Variants in TSHZ3 observed in about 807,000 individuals in gnomAD.
The protein encoded by TSHZ3 is teashirt zinc finger homeobox 3.
TSHZ3 carries 10 observed loss-of-function variants against 64.5 expected under a neutral mutation model. That is an observed-to-expected ratio of 0.16 (90% CI 0.10 to 0.26). The LOEUF is 0.26. Ranked by LOEUF, TSHZ3 falls within the 10% of genes least tolerant of loss-of-function variation. The pLI, the probability that TSHZ3 is intolerant of heterozygous loss-of-function variation, is 1.00. For synonymous variants in TSHZ3, 608 were observed against 593.1 expected, an observed-to-expected ratio of 1.03 and a Z score of -0.36; for missense variants, 1,242 against 1,421.7, an observed-to-expected ratio of 0.87 and a Z score of 2.03.
intron 1 of TSHZ3, among the ~76,000 whole-genome samples, chr19:31,252,942 TA>T (rs1453082623): frequency 6.6e-6 from 1 of 152,200 alleles, no homozygotes; most frequent in African/African-American, 2.4e-5. Flanking sequence ...ATTAGCCTCA[TA>T]AAATTATGGT....
chr19:31,268,763 T>C (rs1976092300), intron 1 of TSHZ3, among the ~76,000 whole-genome samples: 1 of 152,066 alleles, frequency 6.6e-6, no homozygotes, highest in Non-Finnish European at 1.5e-5. Flanking sequence ...TGCCAAAATA[T>C]AAGGAAGGAC....
chr19:31,200,055 A>T (rs1975056491), intron 5 of TSHZ3, among the ~76,000 whole-genome samples: 1 of 152,122 alleles, frequency 6.6e-6, no homozygotes, highest in Non-Finnish European at 1.5e-5. Flanking sequence ...AAAATGGGTA[A>T]CACTGACAAC....
chr19:31,179,729 AGGTGGTGGTGGTGGTGGTGATGGT>A (rs1197164786), intron 5 of TSHZ3, among the ~76,000 whole-genome samples: 1 of 147,234 alleles, frequency 6.8e-6, no homozygotes, highest in Admixed American at 6.7e-5. Context: ...TGATGATGGT[AGGTGGTGGTGGTGGTGGTGATGGT>A]GGTGGTGATG....
chr19:31,267,919 G>C (rs144546843), intron 1 of TSHZ3, among the ~76,000 whole-genome samples: 1 of 152,158 alleles, frequency 6.6e-6, no homozygotes, highest in Non-Finnish European at 1.5e-5. Context: ...GACAAGTGCA[G>C]TAAGAAGGCA....
chr19:31,338,859 T>A (rs1917339881), intron 1 of TSHZ3, among the ~76,000 whole-genome samples: 1 of 151,446 alleles, frequency 6.6e-6, no homozygotes, highest in South Asian at 2.1e-4. Context: ...TTTTTTCCAG[T>A]GGGGGAGTCT....
chr19:31,152,136 G>A, intron 6 of TSHZ3, among the ~76,000 whole-genome samples: 1 of 151,120 alleles, frequency 6.6e-6, no homozygotes, highest in Non-Finnish European at 1.5e-5. Context: ...AAAAAAAAAA[G>A]AAAAAGAAAA....
chr19:31,349,970 C>A (rs1356038059), upstream of TSHZ3, among the ~76,000 whole-genome samples: 14 of 147,842 alleles, frequency 9.5e-5, no homozygotes, highest in Non-Finnish European at 2.0e-4. Flanking sequence ...GCCGCCCCTC[C>A]GCCTCCGCCC....
At chr19:31,341,175 T>C (rs765994217) in intron 1 of TSHZ3, among the ~76,000 whole-genome samples, 4 of 152,204 alleles carry the variant, frequency 2.6e-5, no homozygotes, top group Admixed American at 1.3e-4. Context: ...ATCCACACAC[T>C]AGTTTGACTC....
At chr19:31,344,215 C>G (rs955786852) in intron 1 of TSHZ3, among the ~76,000 whole-genome samples, 1 of 152,064 alleles carries the variant, frequency 6.6e-6, no homozygotes, top group African/African-American at 2.4e-5. Context: ...AGAGTGAACA[C>G]CTGCAAGGGT....
At chr19:31,308,594 C>T (rs533847298) in intron 1 of TSHZ3, 26 of 398,490 alleles carry the variant, frequency 6.5e-5, no homozygotes, top group African/African-American at 5.1e-4. Flanking sequence ...CTGGGGTTTG[C>T]TTCCTTCCCA....
intron 3 of TSHZ3, among the ~76,000 whole-genome samples, chr19:31,234,939 CT>C (rs1975586261): frequency 6.6e-6 from 1 of 152,120 alleles, no homozygotes; most frequent in Admixed American, 6.5e-5. Flanking sequence ...GATGTTATTT[CT>C]TTTGTAAATC....
At chr19:31,223,695 CAG>C (rs1448384098) in intron 4 of TSHZ3, among the ~76,000 whole-genome samples, 5 of 152,102 alleles carry the variant, frequency 3.3e-5, no homozygotes, top group Admixed American at 6.6e-5. Flanking sequence ...GGACCTCACA[CAG>C]AAAGTTTCCT....
intron 1 of TSHZ3, among the ~76,000 whole-genome samples, chr19:31,333,234 C>T (rs892431632): frequency 6.6e-6 from 1 of 152,146 alleles, no homozygotes; most frequent in African/African-American, 2.4e-5. Flanking sequence ...TTGTTCCCTC[C>T]CACTCCCACC....
chr19:31,175,854 T>A (rs1974599513), intron 5 of TSHZ3, among the ~76,000 whole-genome samples: 1 of 152,240 alleles, frequency 6.6e-6, no homozygotes, highest in Non-Finnish European at 1.5e-5. Context: ...CTGGCTGGCA[T>A]CAGCCTTTAC....
Position 31,278,797 on chromosome 19 carries a change from G to A in TSHZ3, c.996C>T (p.Ser332=), listed in dbSNP as rs771485583. ...GGGTTCCACCTGTGGAATCTGGGGA[G>A]CTGGGGAGCTCCAGCTCCAGGGAAG... ...KKASLELELP[S]SPDSTGGTPK... The change falls in exon 2 of 2, where the codon AGC becomes AGT. Residue 332 remains serine, a synonymous_variant. Transcript: ENST00000240587. The surrounding 1 kb of genome is among the most constrained non-coding windows in gnomAD (Gnocchi z 4.7). 1.5e-5 allele frequency: 25 copies of A among 1,614,086 alleles called. No homozygotes were observed. The highest frequency in any genetic ancestry group is 1.9e-5 in the Non-Finnish European group (23 of 1,180,054).
chr19:31,309,872 C>G (rs1469606850), intron 1 of TSHZ3, among the ~76,000 whole-genome samples: 2 of 152,112 alleles, frequency 1.3e-5, no homozygotes, highest in Non-Finnish European at 2.9e-5. Context: ...TCATGGTACC[C>G]ACGTCAGAAT....
intron 1 of TSHZ3, among the ~76,000 whole-genome samples, chr19:31,251,635 G>C (rs541644292): frequency 6.6e-6 from 1 of 152,288 alleles, no homozygotes; most frequent in South Asian, 2.1e-4. Context: ...GCCGTGATAT[G>C]GGTTCCTGGA....
At chr19:31,310,651 G>A (rs1043432768) in intron 1 of TSHZ3, among the ~76,000 whole-genome samples, 2 of 152,174 alleles carry the variant, frequency 1.3e-5, no homozygotes, top group African/African-American at 4.8e-5. Context: ...CAATGTGAAA[G>A]GACACTAGGA....
At chr19:31,225,091 C>T (rs1195957300) in intron 4 of TSHZ3, among the ~76,000 whole-genome samples, 2 of 152,208 alleles carry the variant, frequency 1.3e-5, no homozygotes, top group Admixed American at 1.3e-4. Context: ...CTGACTTCAG[C>T]AACCTCCTAA....
Sources: gnomAD v4.1 joint callset for allele counts (sites outside exome capture counted in the v4.1 genomes callset) on GRCh38, gnomAD v4.1.1 for gene constraint, Gnocchi (gnomAD v3.1) non-coding constraint, MANE v1.5 for transcripts, NCBI Gene and HGNC (gene_info 2026-07-23, HGNC 2026-07-21) for gene names.